Variants in TMEM156 observed in about 807,000 individuals in gnomAD.
TMEM156 encodes the protein transmembrane protein 156.
TMEM156 carries 28 observed loss-of-function variants against 30.5 expected under a neutral mutation model. The observed-to-expected ratio is 0.92, with a 90% CI of 0.68 to 1.26. The LOEUF is 1.26. Among genes scored for constraint, TMEM156 ranks in the 50% most tolerant of loss-of-function variants. TMEM156 has a pLI of 0.00. For synonymous variants in TMEM156, 137 were observed against 119.9 expected (o/e 1.14, Z -0.93); for missense variants, 351 against 340.6 (o/e 1.03, Z -0.24).
intron 2 of TMEM156, 133 bp from the exon 3 acceptor site, chr4:38,994,131 A>G: frequency 5.0e-6 from 4 of 803,990 alleles, no homozygotes; most frequent in Non-Finnish European, 7.7e-6. Context: ...CTAAAAATAT[A>G]TACATATTTT....
At chr4:39,029,259 A>C (rs1291486574) in intron 1 of TMEM156, among the ~76,000 whole-genome samples, 8 of 152,114 alleles carry the variant, frequency 5.3e-5, no homozygotes, top group Admixed American at 5.2e-4. Flanking sequence ...CTTAGAAATT[A>C]AAGTGAATAG....
At chr4:39,030,131 G>T (rs572775866) in intron 1 of TMEM156, among the ~76,000 whole-genome samples, 15 of 151,206 alleles carry the variant, frequency 9.9e-5, no homozygotes, top group African/African-American at 3.4e-4. Context: ...CAGGAGGATT[G>T]CTTGAGCCCA....
intron 2 of TMEM156, 82 bp from the exon 3 acceptor site, chr4:38,994,080 T>C: frequency 8.1e-7 from 1 of 1,236,240 alleles, no homozygotes; most frequent in Non-Finnish European, 1.1e-6. Context: ...CTAAATCTCT[T>C]CCTTTCTATA....
intron 1 of TMEM156, among the ~76,000 whole-genome samples, chr4:39,016,248 C>T (rs1311713623): frequency 6.6e-6 from 1 of 151,968 alleles, no homozygotes; most frequent in Non-Finnish European, 1.5e-5. Context: ...TGGTGTGAGT[C>T]TGTAGTCCCA....
At position 39,032,362 on chromosome 4, in the gene TMEM156, T is replaced by C. The variant is rs868228856; in HGVS notation, c.-49A>G. Reference sequence around the variant, plus strand: ...GTTCCCTTGCAGTACATTCATGGTATGTTGCTTCCTGCTTTAAGTTTATCT... The same window carrying C: ...GTTCCCTTGCAGTACATTCATGGTACGTTGCTTCCTGCTTTAAGTTTATCT... On this transcript the variant is annotated 5_prime_UTR_variant, in exon 1 of 7. Transcript: ENST00000381938. The C allele has an allele frequency of 8.7e-7, 1 of 1,152,370 alleles. No individual in the cohort carries two copies. The highest frequency in any genetic ancestry group is 1.9e-4 in the Middle Eastern group (1 of 5,134). 71.4% of individuals were successfully genotyped at this position (1,152,370 alleles called of 1,614,324 possible).
At position 38,995,109 on chromosome 4, in the gene TMEM156, T is replaced by C. The variant is rs1712837143; in HGVS notation, c.359-1111A>G. On this transcript the variant is annotated intron_variant, in intron 2 of 6. Coordinates refer to ENST00000381938, the MANE Select transcript of TMEM156 (RefSeq NM_024943.3). ...GACTTGGAGATGCATCATCCTGCTC[T>C]CTGCCTTCATCTTCACATGTCAGTC... Among the ~76,000 whole-genome samples, 3 of 152,218 alleles carry C rather than the reference T, an allele frequency of 2.0e-5. No homozygotes were observed. The South Asian group carries it at 6.2e-4, about 32-fold the overall frequency.
intron 1 of TMEM156, among the ~76,000 whole-genome samples, chr4:39,018,039 A>G (rs1044424363): frequency 2.6e-5 from 4 of 152,034 alleles, no homozygotes; most frequent in African/African-American, 9.7e-5. Context: ...AATGCTTCCT[A>G]TTTGTACCAT....
Position 38,998,924 on chromosome 4 carries a change from G to A in TMEM156, c.89-15C>T. 1 of 1,587,234 alleles carries A rather than the reference G, an allele frequency of 6.3e-7. No homozygotes were observed. On this transcript the variant is annotated splice_polypyrimidine_tract_variant and intron_variant, in intron 1 of 6. Coordinates refer to ENST00000381938, the MANE Select transcript of TMEM156 (RefSeq NM_024943.3). Reference sequence around the variant, plus strand: ...CAATGTTCTTTCTGTAAAGAAAAAAGAAAAACACTTTCTTTACTGTAAAGC... The same window carrying A: ...CAATGTTCTTTCTGTAAAGAAAAAAAAAAAACACTTTCTTTACTGTAAAGC...
At chr4:38,972,877 G>A (rs1158198347) in intron 5 of TMEM156, among the ~76,000 whole-genome samples, 1 of 151,956 alleles carries the variant, frequency 6.6e-6, no homozygotes, top group Non-Finnish European at 1.5e-5. Context: ...TTAATTGTTG[G>A]TCTTTTTTCT....
Position 38,968,033 on chromosome 4 carries a change from G to A in TMEM156, c.*39-392C>T, listed in dbSNP as rs115406152. Among the ~76,000 whole-genome samples, 622 of 152,328 alleles carry A rather than the reference G, an allele frequency of 4.1e-3. 5 individuals are homozygous for A. The highest frequency in any genetic ancestry group is 6.4e-3 in the Non-Finnish European group (438 of 68,014). Reference sequence around the variant, plus strand: ...TATAAGAGTTCCCAAAGTTGGGACAGTTATTCTCCCTTTTCAGGGTGACCC... The same window carrying A: ...TATAAGAGTTCCCAAAGTTGGGACAATTATTCTCCCTTTTCAGGGTGACCC... On this transcript the variant is annotated intron_variant, in intron 6 of 6. Transcript: ENST00000381938.
intron 1 of TMEM156, among the ~76,000 whole-genome samples, chr4:39,002,884 TG>T (rs970567676): frequency 1.6e-5 from 2 of 127,110 alleles, no homozygotes; most frequent in African/African-American, 6.2e-5. Context: ...GGGCCTGTTG[TG>T]GGGGGGTGGA....
In TMEM156 at chr4:39,020,177, T is replaced by C. The variant is rs1315070902; in HGVS notation, c.88+12049A>G. 3.9e-5 allele frequency among the ~76,000 whole-genome samples: 6 copies of C among 152,262 alleles called. No individual in the cohort carries two copies. In the East Asian group the frequency reaches 1.2e-3, roughly 29 times the overall value. ...GGAATAGTATTATCTTGTGTATATG[T>C]ACCACGTTTTCTTTATCCATTCATT... is the stretch of plus-strand genomic sequence containing the variant. On this transcript the variant is annotated intron_variant, in intron 1 of 6. Coordinates refer to ENST00000381938, the MANE Select transcript of TMEM156 (RefSeq NM_024943.3).
At chr4:39,024,836 A>G (rs2110064914) in intron 1 of TMEM156, among the ~76,000 whole-genome samples, 1 of 152,366 alleles carries the variant, frequency 6.6e-6, no homozygotes, top group East Asian at 1.9e-4. Flanking sequence ...TTTTTTAAAA[A>G]ACATCTTTCC....
At chr4:38,973,065 A>G (rs370590859) in intron 5 of TMEM156, among the ~76,000 whole-genome samples, 2 of 152,180 alleles carry the variant, frequency 1.3e-5, no homozygotes, top group Non-Finnish European at 2.9e-5. Flanking sequence ...TCATTGATCC[A>G]TTTAAAAGTC....
intron 1 of TMEM156, among the ~76,000 whole-genome samples, chr4:39,031,987 G>A (rs1239466769): frequency 6.6e-6 from 1 of 151,016 alleles, no homozygotes. Flanking sequence ...CTGAAATCTA[G>A]ACTACAGATT....
intron 1 of TMEM156, among the ~76,000 whole-genome samples, chr4:39,025,345 C>CAA (rs59380844): frequency 0.019 from 1,233 of 64,290 alleles, 69 homozygotes; most frequent in African/African-American, 0.055. Flanking sequence ...AAGACTGTCT[C>CAA]AAAAAAAAAA....
In TMEM156 at chr4:38,967,346, G is replaced by A. The variant is rs565396637; in HGVS notation, c.*334C>T. On this transcript the variant is annotated 3_prime_UTR_variant, in exon 7 of 7. Coordinates refer to ENST00000381938, the MANE Select transcript of TMEM156 (RefSeq NM_024943.3). ...TAAAAACTTGGCTCCACTCTGTGCTGTATAATGATAGATTTTTTTTAAGAA... is the reference window on the plus strand; with the variant it reads ...TAAAAACTTGGCTCCACTCTGTGCTATATAATGATAGATTTTTTTTAAGAA... The A allele has an allele frequency of 2.6e-5, 4 of 152,278 alleles. No individual in the cohort carries two copies. The highest frequency in any genetic ancestry group is 7.2e-5 in the African/African-American group (3 of 41,564). 9.4% of individuals were successfully genotyped at this position (152,278 alleles called of 1,614,324 possible).
chr4:38,978,504 G>T (rs148173546), intron 5 of TMEM156, among the ~76,000 whole-genome samples: 2 of 152,196 alleles, frequency 1.3e-5, no homozygotes, highest in Admixed American at 1.3e-4. Context: ...ATCATTTAAC[G>T]CCTCTGTGCC....
At chr4:39,014,458 C>T (rs993493173) in intron 1 of TMEM156, among the ~76,000 whole-genome samples, 1 of 152,020 alleles carries the variant, frequency 6.6e-6, no homozygotes, top group Non-Finnish European at 1.5e-5. Flanking sequence ...TGTCACATCC[C>T]TATGCAAAAA....
Sources: allele counts gnomAD v4.1 joint callset (sites outside exome capture counted in the v4.1 genomes callset), GRCh38; gene constraint gnomAD v4.1.1; transcripts MANE v1.5; gene names NCBI Gene and HGNC (gene_info 2026-07-23, HGNC 2026-07-21).